The following FBN1 variants were observed in gnomAD, a reference collection of about 807,000 sequenced individuals.
The protein encoded by FBN1 is fibrillin-1.
A neutral mutation model predicts 365.1 loss-of-function variants in FBN1; 29 were observed. The observed-to-expected ratio is 0.08, with a 90% confidence interval of 0.06 to 0.11. FBN1 has a LOEUF of 0.11. FBN1 is among the 10% of genes least tolerant of loss of function. FBN1 has a pLI of 1.00. For missense variants in FBN1, 2,476 were observed against 3,703.2 expected (o/e 0.67, Z 8.60); for synonymous variants, 1,210 against 1,270.5 (o/e 0.95, Z 1.01).
At chr15:48,462,290 T>C (rs2043285105) in intron 42 of FBN1, among the ~76,000 whole-genome samples, 1 of 152,214 alleles carries the variant, frequency 6.6e-6, no homozygotes, top group South Asian at 2.1e-4. Flanking sequence ...GCACAGCATA[T>C]ACCATATGAT....
chr15:48,525,682 C>T (rs1191184843), intron 9 of FBN1, among the ~76,000 whole-genome samples: 14 of 152,100 alleles, frequency 9.2e-5, no homozygotes, highest in Admixed American at 7.2e-4. Context: ...GTTATTTAAT[C>T]GAAGCACTAT....
At chr15:48,430,113 C>A (rs2043013095) in intron 56 of FBN1, among the ~76,000 whole-genome samples, 2 of 152,172 alleles carry the variant, frequency 1.3e-5, no homozygotes, top group African/African-American at 4.8e-5. Flanking sequence ...AGTGGGCTGG[C>A]AGGCTGGAAT....
chr15:48,455,087 G>A (rs566605377), intron 44 of FBN1, among the ~76,000 whole-genome samples: 35 of 152,310 alleles, frequency 2.3e-4, no homozygotes, highest in Non-Finnish European at 4.3e-4. Context: ...CATTGCTGAG[G>A]CATGTATGCA....
At chr15:48,589,170 T>C (rs937845933) in intron 6 of FBN1, among the ~76,000 whole-genome samples, 2 of 152,132 alleles carry the variant, frequency 1.3e-5, no homozygotes, top group African/African-American at 4.8e-5. Context: ...GCCCAGCGAC[T>C]GAGGAAGAAA....
At chr15:48,511,355 T>C (rs2043757407) in intron 13 of FBN1, among the ~76,000 whole-genome samples, 1 of 152,000 alleles carries the variant, frequency 6.6e-6, no homozygotes, top group Non-Finnish European at 1.5e-5. Context: ...TATTTCTTAA[T>C]CCTTGCTAAA....
At chr15:48,487,011 A>G (rs2043512580) in intron 29 of FBN1, 64 bp downstream of exon 29, 2 of 1,197,614 alleles carry the variant, frequency 1.7e-6, no homozygotes, top group African/African-American at 1.6e-5. Context: ...AAAATAACAT[A>G]ACATAACATA....
chr15:48,548,472 TG>T (rs1403672545), intron 6 of FBN1, among the ~76,000 whole-genome samples: 2 of 152,236 alleles, frequency 1.3e-5, no homozygotes, highest in Non-Finnish European at 2.9e-5. Flanking sequence ...GTGGAGCCAG[TG>T]GCAGAATAGT....
At chr15:48,571,364 C>T (rs147953578) in intron 6 of FBN1, among the ~76,000 whole-genome samples, 3 of 152,108 alleles carry the variant, frequency 2.0e-5, no homozygotes, top group East Asian at 1.9e-4. Context: ...ATTTAAAAAT[C>T]GAACCACAAA....
chr15:48,582,501 T>C (rs962827620), intron 6 of FBN1, among the ~76,000 whole-genome samples: 4 of 152,204 alleles, frequency 2.6e-5, no homozygotes, highest in African/African-American at 9.6e-5. Flanking sequence ...AAAAATGACA[T>C]GACCAAACAG....
intron 45 of FBN1, 140 bp downstream of exon 45, chr15:48,452,417 ATTTAG>A (rs1308132079): frequency 2.1e-6 from 2 of 945,382 alleles, no homozygotes; most frequent in African/African-American, 1.6e-5. Context: ...CCTTTTTCCA[ATTTAG>A]TTTAATATTA....
chr15:48,508,532 G>T (rs1461509288), intron 15 of FBN1, 50 bp downstream of exon 15: 1 of 1,612,238 alleles, frequency 6.2e-7, no homozygotes, highest in African/African-American at 1.3e-5. Flanking sequence ...ACAACATAAG[G>T]AGGAGAAAAG....
chr15:48,421,082 C>T (rs1001765656), intron 62 of FBN1, among the ~76,000 whole-genome samples: 2 of 146,854 alleles, frequency 1.4e-5, no homozygotes, highest in Admixed American at 6.8e-5. Context: ...TGTGTTTGCT[C>T]TTTTTTTTTT....
chr15:48,607,367 CATATATATAT>C (rs10587361), intron 4 of FBN1, among the ~76,000 whole-genome samples: 1 of 146,276 alleles, frequency 6.8e-6, no homozygotes, highest in Non-Finnish European at 1.5e-5. Context: ...CATACATATA[CATATATATAT>C]ATATATATAT....
Position 48,536,742 on chromosome 15 carries a change from A to G in FBN1, c.736+869T>C, listed in dbSNP as rs1170205378. ...TTGAAGTGGAATGTAATGGAGACCC[A>G]CAAAACTGTGTGACTAAGCTCAAGT... On this transcript the variant is annotated intron_variant, in intron 7 of 65. Coordinates refer to ENST00000316623, the MANE Select transcript of FBN1 (RefSeq NM_000138.5). 2.0e-5 allele frequency among the ~76,000 whole-genome samples: 3 copies of G among 152,256 alleles called. No individual in the cohort carries two copies. In the East Asian group the frequency reaches 5.8e-4, roughly 29 times the overall value.
chr15:48,526,025 C>G, intron 9 of FBN1, 105 bp downstream of exon 9: 4 of 1,440,758 alleles, frequency 2.8e-6, no homozygotes, highest in Non-Finnish European at 3.9e-6. Flanking sequence ...TACATTTTAC[C>G]TCAGTTGATA....
At chr15:48,565,659 T>G (rs2044254704) in intron 6 of FBN1, among the ~76,000 whole-genome samples, 1 of 151,902 alleles carries the variant, frequency 6.6e-6, no homozygotes, top group Admixed American at 6.6e-5. Context: ...ATGCTAACTT[T>G]CCACTAATCT....
chr15:48,446,251 C>G (rs1185311252), intron 47 of FBN1, among the ~76,000 whole-genome samples: 1 of 151,748 alleles, frequency 6.6e-6, no homozygotes, highest in Non-Finnish European at 1.5e-5. Context: ...CAGCTGCTAC[C>G]CAAAAATAGG....
intron 5 of FBN1, among the ~76,000 whole-genome samples, chr15:48,598,176 T>C (rs1210044082): frequency 6.6e-6 from 1 of 152,220 alleles, no homozygotes; most frequent in Admixed American, 6.5e-5. Context: ...ACATGGGCTA[T>C]GGAGTCAGAC....
Position 48,410,858 on chromosome 15 carries a change from ATAG to A in FBN1, c.*129_*131del. On this transcript the variant is annotated 3_prime_UTR_variant, in exon 66 of 66. Coordinates refer to ENST00000316623, the MANE Select transcript of FBN1 (RefSeq NM_000138.5). ...GTACCTTGCTTTGGTAATACAAAGA[ATAG>A]TGCTTATTTATACAAATTTACTTGG... 1 of 933,692 alleles carries A rather than the reference ATAG, an allele frequency of 1.1e-6. No individual in the cohort carries two copies. The highest frequency in any genetic ancestry group is 1.6e-6 in the Non-Finnish European group (1 of 623,000). The allele number at this position is 933,692 out of a possible 1,614,324, so 57.8% of individuals were successfully genotyped here. A position where few individuals can be genotyped will look rare whatever the true frequency, so the allele number is the denominator to read the frequency against.
Sources: allele counts gnomAD v4.1 joint callset (sites outside exome capture counted in the v4.1 genomes callset), GRCh38; gene constraint gnomAD v4.1.1; transcripts MANE v1.5; gene names NCBI Gene and HGNC (gene_info 2026-07-23, HGNC 2026-07-21).